OR51B5: variants seen among roughly 807,000 people sequenced by gnomAD.
OR51B5 encodes the protein olfactory receptor 51B5.
For synonymous variants in OR51B5, 186 were observed against 144.8 expected (o/e 1.28, Z -2.04); for missense variants, 456 against 374.6 (o/e 1.22, Z -1.79).
chr11:5,340,976 A>G (rs1288203444), downstream of OR51B5: 1 of 152,234 alleles, frequency 6.6e-6, no homozygotes, highest in African/African-American at 2.4e-5. Context: ...ACAATTTAGT[A>G]TTCAGACTGT....
At chr11:5,466,920 T>C (rs902723449) in intron 1 of OR51B5, among the ~76,000 whole-genome samples, 2 of 152,232 alleles carry the variant, frequency 1.3e-5, no homozygotes, top group African/African-American at 4.8e-5. Context: ...CTTTCTTGTG[T>C]CTGCTTTCTC....
rs1461217855 is a variant in OR51B5, at chr11:5,351,979, G to T, written n.85-5069C>A. On this transcript the variant is annotated intron_variant and non_coding_transcript_variant, in intron 1 of 4. Transcript: ENST00000415970. ...GGCTGGTCTGTCCATTATGCCAATA[G>T]TTGTTCGCCTACACTGGTTTCCCTA... 1 of 1,613,324 alleles carries T rather than the reference G, an allele frequency of 6.2e-7. No individual in the cohort carries two copies. Among genetic ancestry groups the T allele is most frequent in the Non-Finnish European group, 8.5e-7 (1 of 1,179,304 alleles).
At chr11:5,373,345 T>A (rs1849472260) in intron 1 of OR51B5, among the ~76,000 whole-genome samples, 2 of 152,256 alleles carry the variant, frequency 1.3e-5, no homozygotes, top group Admixed American at 6.5e-5. Context: ...TTCCAGTTTT[T>A]GAGCCAAGAT....
At chr11:5,425,745 T>C (rs1850438995) in intron 1 of OR51B5, among the ~76,000 whole-genome samples, 2 of 152,214 alleles carry the variant, frequency 1.3e-5, no homozygotes, top group Admixed American at 1.3e-4. Flanking sequence ...TCTTTGTATC[T>C]TATTGACCCT....
upstream of OR51B5, chr11:5,343,746 A>T (rs1345229271): frequency 2.4e-6 from 1 of 414,238 alleles, no homozygotes; most frequent in Non-Finnish European, 4.3e-6. Flanking sequence ...TACCTACGTA[A>T]TCAAATTCTT....
chr11:5,419,324 G>T (rs1197006690), intron 1 of OR51B5, among the ~76,000 whole-genome samples: 5 of 152,160 alleles, frequency 3.3e-5, no homozygotes, highest in African/African-American at 1.2e-4. Flanking sequence ...GAAAAGAAGT[G>T]CTTTTAAGAA....
At chr11:5,470,197 G>A (rs1851205920) in intron 1 of OR51B5, among the ~76,000 whole-genome samples, 1 of 152,160 alleles carries the variant, frequency 6.6e-6, no homozygotes, top group African/African-American at 2.4e-5. Flanking sequence ...TCACAAATCA[G>A]CATGTGTTTA....
At chr11:5,484,072 C>T (rs549064166) in intron 1 of OR51B5, among the ~76,000 whole-genome samples, 1 of 152,280 alleles carries the variant, frequency 6.6e-6, no homozygotes, top group South Asian at 2.1e-4. Context: ...CATACACACA[C>T]CTTTACACCG....
chr11:5,473,128 A>G (rs894392979), intron 1 of OR51B5, among the ~76,000 whole-genome samples: 1 of 152,244 alleles, frequency 6.6e-6, no homozygotes, highest in African/African-American at 2.4e-5. Flanking sequence ...ACAAATTCCT[A>G]CACATCTTGG....
chr11:5,488,845 G>A, intron 1 of OR51B5: 1 of 1,614,046 alleles, frequency 6.2e-7, no homozygotes, highest in Non-Finnish European at 8.5e-7. Context: ...TGGAAATGCT[G>A]CCCTCATCCT....
chr11:5,344,523 G>A (rs371151687), upstream of OR51B5, among the ~76,000 whole-genome samples: 166 of 152,174 alleles, frequency 1.1e-3, no homozygotes, highest in African/African-American at 3.6e-3. Context: ...CTGCTTAAAC[G>A]TGGTGCTGTC....
At chr11:5,414,119 G>A (rs1241519406) in intron 1 of OR51B5, among the ~76,000 whole-genome samples, 1 of 151,662 alleles carries the variant, frequency 6.6e-6, no homozygotes, top group African/African-American at 2.4e-5. Flanking sequence ...AGAGAGTGGG[G>A]GCCAATATTC....
chr11:5,488,850 C>T lies in OR51B5; in HGVS notation n.84+16719G>A, dbSNP rs138095953. On this transcript the variant is annotated intron_variant and non_coding_transcript_variant, in intron 1 of 4. Coordinates refer to the OR51B5 transcript ENST00000415970. The stretch of plus-strand genomic sequence containing the variant: ...TAGCACTGGTTGGAAATGCTGCCCT[C>T]ATCCTGGTCATTGCCATGGACAATG... 3.6e-5 allele frequency: 58 copies of T among 1,614,056 alleles called. No individual in the cohort carries two copies. The East Asian group carries it at 1.2e-3, about 32-fold the overall frequency.
chr11:5,503,720 A>G (rs1012849432), intron 1 of OR51B5, among the ~76,000 whole-genome samples: 5 of 152,240 alleles, frequency 3.3e-5, no homozygotes, highest in African/African-American at 1.2e-4. Context: ...ACATCTATGC[A>G]TATGTAGGCT....
intron 1 of OR51B5, among the ~76,000 whole-genome samples, chr11:5,357,840 C>G (rs77215038): frequency 0.11 from 16,402 of 150,420 alleles, 1,009 homozygotes; most frequent in South Asian, 0.14. Flanking sequence ...AAGAAACTCA[C>G]TCAAAACCGC....
intron 1 of OR51B5, among the ~76,000 whole-genome samples, chr11:5,409,205 C>G (rs1850106541): frequency 6.6e-6 from 1 of 152,064 alleles, no homozygotes; most frequent in African/African-American, 2.4e-5. Context: ...CAACAGGTTG[C>G]CCTCTCAGAT....
At chr11:5,436,993 A>C (rs1421024033) in intron 1 of OR51B5, among the ~76,000 whole-genome samples, 10 of 152,172 alleles carry the variant, frequency 6.6e-5, no homozygotes, top group Admixed American at 6.5e-4. Flanking sequence ...CCCAGATGCC[A>C]GAGCCCCTGG....
intron 1 of OR51B5, among the ~76,000 whole-genome samples, chr11:5,458,963 G>A (rs12295862): frequency 0.054 from 8,223 of 152,118 alleles, 760 homozygotes; most frequent in African/African-American, 0.19. Flanking sequence ...CTTGCTTGAC[G>A]CTCTGGCTAG....
chr11:5,383,389 G>C (rs1849640161), intron 1 of OR51B5, among the ~76,000 whole-genome samples: 1 of 152,174 alleles, frequency 6.6e-6, no homozygotes, highest in Non-Finnish European at 1.5e-5. Context: ...AGGAGTGAGA[G>C]AATCTTGAAG....
Sources: gnomAD v4.1 joint callset for allele counts (sites outside exome capture counted in the v4.1 genomes callset) on GRCh38, gnomAD v4.1.1 for gene constraint, MANE v1.5 for transcripts, NCBI Gene and HGNC (gene_info 2026-07-23, HGNC 2026-07-21) for gene names.